Variants in ANKRD36B observed in about 807,000 individuals in gnomAD.
ANKRD36B encodes ankyrin repeat domain 36B, also known as ankyrin repeat domain-containing protein 36B.
In ANKRD36B, 37 loss-of-function variants were observed where a neutral mutation model predicts 135.7. That is an observed-to-expected ratio of 0.27 (90% confidence interval 0.21 to 0.36). ANKRD36B has a LOEUF of 0.36. Among genes scored for constraint, ANKRD36B ranks in the 10% least tolerant of loss-of-function variants. The probability of loss-of-function intolerance (pLI) is 1.00; values close to 1 mark genes in which losing one functional copy is unlikely to be tolerated. For synonymous variants in ANKRD36B, 179 were observed against 348.1 expected (o/e 0.51, Z 5.41); for missense variants, 549 against 1,037.1 (o/e 0.53, Z 6.46).
chr2:97,578,618 T>C (rs2082375727), intron 5 of ANKRD36B, among the ~76,000 whole-genome samples: 1 of 152,040 alleles, frequency 6.6e-6, no homozygotes, highest in African/African-American at 2.4e-5. Flanking sequence ...ACCCTATGCA[T>C]AGGGGTTATA....
At position 97,580,534 on chromosome 2, in the gene ANKRD36B, C is replaced by T. The variant is rs1360293824; in HGVS notation, c.485G>A (p.Arg162Gln). Residue 162 changes from arginine to glutamine, a missense_variant, in exon 4 of 44, where the codon CGA becomes CAA. Transcript: ENST00000359901. ...AAATTCCACCATTTTCACTTTTCTT[C>T]GACTCACAGCAAGTAACAGTGGCTG... Reference protein sequence around the residue: ...EYQPLLLAVSRRKVKMVEFLL... With the variant: ...EYQPLLLAVSQRKVKMVEFLL... The T allele has an allele frequency of 1.2e-5, 19 of 1,547,508 alleles. No individual in the cohort carries two copies. The highest frequency in any genetic ancestry group is 2.0e-5 in the Admixed American group (1 of 50,746).
intron 22 of ANKRD36B, among the ~76,000 whole-genome samples, chr2:97,547,019 C>A (rs2104586264): frequency 6.6e-6 from 1 of 151,742 alleles, no homozygotes; most frequent in East Asian, 2.0e-4. Context: ...CAGGTTTCCT[C>A]AGAAGAAACC....
chr2:97,540,363 T>C, intron 28 of ANKRD36B, 134 bp from the exon 29 acceptor site: 1 of 620,502 alleles, frequency 1.6e-6, no homozygotes, highest in East Asian at 2.9e-5. Flanking sequence ...CTACTTTGTG[T>C]CTGGGGATTG....
intron 6 of ANKRD36B, among the ~76,000 whole-genome samples, chr2:97,561,388 C>G (rs574036311): frequency 6.6e-6 from 1 of 151,986 alleles, no homozygotes; most frequent in South Asian, 2.1e-4. Context: ...ACTTAATCAG[C>G]TTGGATATAT....
At chr2:97,534,767 T>C (rs2078772963) in intron 34 of ANKRD36B, among the ~76,000 whole-genome samples, 1 of 96,796 alleles carries the variant, frequency 1.0e-5, no homozygotes, top group South Asian at 2.4e-4. Flanking sequence ...GAGAACACTA[T>C]AGAGTCCTCA....
At chr2:97,551,156 T>G in intron 18 of ANKRD36B, 133 bp downstream of exon 18, 1 of 1,275,228 alleles carries the variant, frequency 7.8e-7, no homozygotes, top group South Asian at 1.4e-5. Flanking sequence ...ACCCAAGAAC[T>G]TATTAGAAAT....
At chr2:97,567,492 T>C (rs1466383807) in intron 6 of ANKRD36B, among the ~76,000 whole-genome samples, 1 of 151,992 alleles carries the variant, frequency 6.6e-6, no homozygotes, top group Non-Finnish European at 1.5e-5. Context: ...AGTCAATCAT[T>C]AGCATACAAA....
chr2:97,581,399 G>A (rs2082623742), intron 3 of ANKRD36B, among the ~76,000 whole-genome samples: 2 of 151,656 alleles, frequency 1.3e-5, no homozygotes, highest in Admixed American at 1.3e-4. Context: ...TTCATTTGAA[G>A]CCTATCTCTT....
chr2:97,547,242 A>G lies in ANKRD36B; in HGVS notation c.1579+294T>C, dbSNP rs2079552714. The G allele has an allele frequency of 9.3e-6, 3 of 323,666 alleles. No individual in the cohort carries two copies. In the Admixed American group the frequency reaches 1.4e-4, roughly 15 times the overall value. The allele number at this position is 323,666 out of a possible 1,614,324, so 20.0% of individuals were successfully genotyped here. ...TTCTCCTTCCACCCTTACTGAAAAC[A>G]AGCTGGAGAATTAAAGCAAAATTAT... On this transcript the variant is annotated intron_variant, in intron 22 of 43. Transcript: ENST00000359901.
chr2:97,556,797 C>T, intron 12 of ANKRD36B, 140 bp downstream of exon 12: 3 of 1,367,196 alleles, frequency 2.2e-6, no homozygotes, highest in Non-Finnish European at 3.0e-6. Context: ...CACCACCTGA[C>T]AACTTACTAG....
chr2:97,545,578 T>C, intron 24 of ANKRD36B, 88 bp downstream of exon 24: 1 of 719,874 alleles, frequency 1.4e-6, no homozygotes, highest in South Asian at 1.4e-5. Context: ...ACATGAAGAT[T>C]TGACGAACCC....
chr2:97,536,006 G>C lies in ANKRD36B; in HGVS notation c.2191+294C>G, dbSNP rs1174751050. Among the ~76,000 whole-genome samples, 4 of 93,934 alleles carry C rather than the reference G, an allele frequency of 4.3e-5. 1 individual carries two copies. The highest frequency in any genetic ancestry group is 1.3e-4 in the African/African-American group (4 of 31,262). The allele number at this position is 93,934 out of a possible 152,430, so 61.6% of individuals were successfully genotyped here. ...CTTGAACCAGGAAGGTGGAGGTTGT[G>C]GTGAGCTACAATTGAGCCATTGCAC... On this transcript the variant is annotated intron_variant, in intron 34 of 43. Transcript: ENST00000359901.
chr2:97,547,942 A>T (rs2079641237), intron 20 of ANKRD36B, among the ~76,000 whole-genome samples: 14 of 151,786 alleles, frequency 9.2e-5, no homozygotes, highest in Admixed American at 9.2e-4. Context: ...TATAATTTCA[A>T]ACAGGGTATG....
At chr2:97,553,086 G>T in intron 16 of ANKRD36B, 82 bp downstream of exon 16, 3 of 1,512,550 alleles carry the variant, frequency 2.0e-6, no homozygotes, top group South Asian at 1.2e-5. Flanking sequence ...CCCCCCACCC[G>T]CCCTGCGCTG....
intron 14 of ANKRD36B, among the ~76,000 whole-genome samples, chr2:97,553,653 T>C (rs772673767): frequency 5.3e-5 from 8 of 151,994 alleles, no homozygotes; most frequent in Non-Finnish European, 1.2e-4. Flanking sequence ...GTATGCCAAG[T>C]GATCATGACA....
chr2:97,571,857 T>C (rs1284526060), intron 6 of ANKRD36B, among the ~76,000 whole-genome samples: 3 of 152,190 alleles, frequency 2.0e-5, no homozygotes, highest in Admixed American at 2.0e-4. Flanking sequence ...CCGTTCTTCA[T>C]AGAACAGGTC....
chr2:97,561,899 C>T (rs4069652), intron 6 of ANKRD36B, among the ~76,000 whole-genome samples: 1 of 151,914 alleles, frequency 6.6e-6, no homozygotes, highest in African/African-American at 2.4e-5. Flanking sequence ...GTCACTGTGG[C>T]TTATCCCAAT....
intron 6 of ANKRD36B, among the ~76,000 whole-genome samples, chr2:97,562,899 A>G (rs2081150967): frequency 6.6e-6 from 1 of 151,958 alleles, no homozygotes; most frequent in African/African-American, 2.4e-5. Context: ...CTTCACTCAC[A>G]TCGGTTTGAG....
Position 97,553,336 on chromosome 2 carries a change from C to T in ANKRD36B, c.1200+7G>A, listed in dbSNP as rs199655122. ...CTAGTTCACAACATAAATGAGAGTTCAATTACCTTCAAGGCTTGTTGTTTC... is the reference window on the plus strand; with the variant it reads ...CTAGTTCACAACATAAATGAGAGTTTAATTACCTTCAAGGCTTGTTGTTTC... On this transcript the variant is annotated splice_region_variant and intron_variant, in intron 15 of 43. Transcript: ENST00000359901. 5 of 1,609,518 alleles carry T rather than the reference C, an allele frequency of 3.1e-6. No individual in the cohort carries two copies. In the African/African-American group the frequency reaches 5.4e-5, roughly 17 times the overall value.
Sources: allele counts gnomAD v4.1 joint callset (sites outside exome capture counted in the v4.1 genomes callset), GRCh38; gene constraint gnomAD v4.1.1; transcripts MANE v1.5; gene names NCBI Gene and HGNC (gene_info 2026-07-23, HGNC 2026-07-21).